B3GALT1: variants seen among roughly 807,000 people sequenced by gnomAD.
The protein encoded by B3GALT1 is UDP-Gal:betaGlcNAc beta 1,3-galactosyltransferase, polypeptide 1.
Under a neutral mutation model 23.2 loss-of-function variants are expected in B3GALT1, and 10 were observed. That is an observed-to-expected ratio of 0.43 (90% confidence interval 0.27 to 0.73). The LOEUF (loss-of-function observed/expected upper bound fraction) is 0.73. Among genes scored for constraint, B3GALT1 ranks in the 30% least tolerant of loss-of-function variants. The pLI is 0.21. For synonymous variants in B3GALT1, 156 were observed against 141.5 expected (o/e 1.10, Z -0.73); for missense variants, 299 against 405.4 (o/e 0.74, Z 2.25).
At chr2:167,641,892 T>G (rs1406836021) in intron 2 of B3GALT1, among the ~76,000 whole-genome samples, 1 of 152,168 alleles carries the variant, frequency 6.6e-6, no homozygotes, top group African/African-American at 2.4e-5. Flanking sequence ...TGACTTTTCC[T>G]AAGTTTTAGG....
intron 1 of B3GALT1, among the ~76,000 whole-genome samples, chr2:167,389,978 A>G (rs1362460109): frequency 6.6e-6 from 1 of 152,048 alleles, no homozygotes; most frequent in Non-Finnish European, 1.5e-5. Flanking sequence ...GGTTCTGGAA[A>G]TGGCCTCATT....
intron 1 of B3GALT1, among the ~76,000 whole-genome samples, chr2:167,327,227 C>T (rs2105497570): frequency 6.6e-6 from 1 of 152,126 alleles, no homozygotes; most frequent in African/African-American, 2.4e-5. Context: ...TTTGGGCATT[C>T]TGGCTCTATT....
intron 2 of B3GALT1, among the ~76,000 whole-genome samples, chr2:167,564,661 G>A (rs1164278244): frequency 1.3e-5 from 2 of 152,150 alleles, no homozygotes; most frequent in Admixed American, 1.3e-4. Flanking sequence ...AGGAGCTGGA[G>A]ACCAGCCCGG....
intron 2 of B3GALT1, among the ~76,000 whole-genome samples, chr2:167,569,071 C>A (rs1272875408): frequency 6.6e-6 from 1 of 151,800 alleles, no homozygotes; most frequent in Non-Finnish European, 1.5e-5. Flanking sequence ...TATTCTGTTC[C>A]ACTGATCTAT....
At chr2:167,702,450 A>C (rs776721794) in intron 3 of B3GALT1, among the ~76,000 whole-genome samples, 1 of 152,250 alleles carries the variant, frequency 6.6e-6, no homozygotes, top group East Asian at 1.9e-4. Context: ...ATGGTATTGC[A>C]CAATATAGAT....
At chr2:167,393,533 C>G (rs2105284377) in intron 1 of B3GALT1, among the ~76,000 whole-genome samples, 1 of 152,102 alleles carries the variant, frequency 6.6e-6, no homozygotes, top group East Asian at 1.9e-4. Context: ...ATCTGCATTC[C>G]CTTATTTCTT....
chr2:167,575,731 A>C (rs1264426859), intron 2 of B3GALT1, among the ~76,000 whole-genome samples: 1 of 151,838 alleles, frequency 6.6e-6, no homozygotes, highest in Non-Finnish European at 1.5e-5. Context: ...TACGTAGGCA[A>C]TCTGTAGGCT....
chr2:167,417,469 T>A (rs1047578411), intron 1 of B3GALT1, among the ~76,000 whole-genome samples: 1 of 152,184 alleles, frequency 6.6e-6, no homozygotes, highest in African/African-American at 2.4e-5. Context: ...ATTTTTTGTT[T>A]GTTTTTCCTA....
chr2:167,363,016 C>A (rs1005515821), intron 1 of B3GALT1, among the ~76,000 whole-genome samples: 28 of 151,920 alleles, frequency 1.8e-4, no homozygotes, highest in South Asian at 6.3e-4. Context: ...TCACCACGCC[C>A]GGCTAATTTT....
At chr2:167,705,346 T>G (rs1338126844) in intron 3 of B3GALT1, among the ~76,000 whole-genome samples, 7 of 152,236 alleles carry the variant, frequency 4.6e-5, no homozygotes, top group African/African-American at 1.2e-4. Context: ...ACTCTTCTTT[T>G]GCATTATGCA....
At chr2:167,866,562 T>C (rs1690222171) in intron 4 of B3GALT1, among the ~76,000 whole-genome samples, 1 of 152,148 alleles carries the variant, frequency 6.6e-6, no homozygotes, top group South Asian at 2.1e-4. Context: ...ACCATAGAGA[T>C]AGAGGATAAT....
intron 1 of B3GALT1, among the ~76,000 whole-genome samples, chr2:167,387,094 T>C (rs1422732905): frequency 6.6e-6 from 1 of 152,174 alleles, no homozygotes; most frequent in Non-Finnish European, 1.5e-5. Context: ...TCATTGCTGG[T>C]CTGATGTACT....
intron 1 of B3GALT1, among the ~76,000 whole-genome samples, chr2:167,386,009 T>G (rs1697925136): frequency 6.6e-6 from 1 of 152,226 alleles, no homozygotes; most frequent in Non-Finnish European, 1.5e-5. Context: ...CTCTTTTAAC[T>G]TTTTATCTTT....
intron 2 of B3GALT1, among the ~76,000 whole-genome samples, chr2:167,605,494 C>CT (rs1228314175): frequency 6.6e-6 from 1 of 152,086 alleles, no homozygotes; most frequent in Non-Finnish European, 1.5e-5. Context: ...CATGTCAACC[C>CT]GAGTGCCTTG....
intron 1 of B3GALT1, among the ~76,000 whole-genome samples, chr2:167,356,741 A>T (rs1366448522): frequency 1.3e-5 from 2 of 151,948 alleles, no homozygotes; most frequent in African/African-American, 4.8e-5. Flanking sequence ...CTAAATAGTG[A>T]CATATATACA....
intron 2 of B3GALT1, among the ~76,000 whole-genome samples, chr2:167,562,400 A>G (rs1431272361): frequency 6.6e-6 from 1 of 152,214 alleles, no homozygotes; most frequent in Non-Finnish European, 1.5e-5. Flanking sequence ...CTGGCACAAG[A>G]CAGGGTTGCC....
intron 2 of B3GALT1, among the ~76,000 whole-genome samples, chr2:167,540,401 A>G (rs1683516229): frequency 6.6e-6 from 1 of 152,220 alleles, no homozygotes; most frequent in Non-Finnish European, 1.5e-5. Flanking sequence ...TTATGTTTTA[A>G]TAAGATCTCT....
intron 1 of B3GALT1, among the ~76,000 whole-genome samples, chr2:167,308,437 C>G (rs1033700973): frequency 6.6e-6 from 1 of 151,960 alleles, no homozygotes; most frequent in African/African-American, 2.4e-5. Context: ...CTGTATTATT[C>G]ATATCTTCTG....
At chr2:167,502,988 G>C (rs964954660) in intron 2 of B3GALT1, among the ~76,000 whole-genome samples, 1 of 152,118 alleles carries the variant, frequency 6.6e-6, no homozygotes, top group African/African-American at 2.4e-5. Context: ...GCAGTGAGCC[G>C]AGATCACGGC....
Sources: allele counts gnomAD v4.1 joint callset (sites outside exome capture counted in the v4.1 genomes callset), GRCh38; gene constraint gnomAD v4.1.1; transcripts MANE v1.5; gene names NCBI Gene and HGNC (gene_info 2026-07-23, HGNC 2026-07-21).